Variants in ST7L observed in about 807,000 individuals in gnomAD.
ST7L encodes suppression of tumorigenicity 7 like.
Under a neutral mutation model 72.5 loss-of-function variants are expected in ST7L, and 57 were observed. That is an observed-to-expected ratio of 0.79 (90% confidence interval 0.64 to 0.98). The LOEUF (loss-of-function observed/expected upper bound fraction) is 0.98, where lower values mean the gene tolerates loss of function less well. ST7L is among the 50% of genes least tolerant of loss of function. The pLI, the probability that ST7L is intolerant of heterozygous loss-of-function variation, is 0.00. For synonymous variants in ST7L, 221 were observed against 240.9 expected, an observed-to-expected ratio of 0.92 and a Z score of 0.77; for missense variants, 576 against 672.2, an observed-to-expected ratio of 0.86 and a Z score of 1.58.
At chr1:112,570,807 A>G (rs1448392103) in intron 11 of ST7L, 2 of 452,764 alleles carry the variant, frequency 4.4e-6, no homozygotes, top group Non-Finnish European at 8.8e-6. Context: ...CAGTTCATAT[A>G]ACATCAATGT....
rs572616614 is a variant in ST7L at position 112,599,873 on chromosome 1, C to G, written c.506+921G>C. On this transcript the variant is annotated intron_variant, in intron 4 of 14. Coordinates refer to ENST00000358039, the MANE Select transcript of ST7L (RefSeq NM_017744.5). ...GCCTAATATATACTTATACGTATCA[C>G]AAACATATAGTTTGATGTAATGTTT... Among the ~76,000 whole-genome samples the G allele has an allele frequency of 3.3e-5, 5 of 152,234 alleles. No individual in the cohort carries two copies. The South Asian group carries it at 1.0e-3, about 32-fold the overall frequency.
intron 6 of ST7L, among the ~76,000 whole-genome samples, chr1:112,584,648 C>A (rs12059990): frequency 6.6e-6 from 1 of 151,926 alleles, no homozygotes; most frequent in Non-Finnish European, 1.5e-5. Context: ...GCACCACGCC[C>A]GGCTAATTTT....
intron 5 of ST7L, among the ~76,000 whole-genome samples, chr1:112,591,863 T>C (rs1035349106): frequency 1.2e-4 from 19 of 152,130 alleles, no homozygotes; most frequent in Non-Finnish European, 1.5e-5. Context: ...AATTATATCA[T>C]TATTATGTAT....
chr1:112,603,749 G>T (rs144272302), intron 3 of ST7L, among the ~76,000 whole-genome samples: 2 of 152,164 alleles, frequency 1.3e-5, no homozygotes, highest in African/African-American at 2.4e-5. Context: ...GGTACCTGCA[G>T]GGTACCAGCA....
In ST7L at chr1:112,584,060, T is replaced by C; in HGVS notation, c.768A>G (p.Leu256=). 6.2e-7 allele frequency: 1 copy of C among 1,614,174 alleles called. No individual in the cohort carries two copies. The highest frequency in any genetic ancestry group is 2.2e-5 in the East Asian group (1 of 44,878). Residue 256 remains leucine (L), a synonymous_variant, in exon 7 of 15, where the codon TTA becomes TTG. Transcript: ENST00000358039. ...CTCCTGCCTTGAGTGCCTGTTTAAA[T>C]AACCTTTCAGCATCTACAATAGTTG... ...EATTIVDAER[L]FKQALKAGET... is the part of the protein sequence containing the mutation.
chr1:112,541,703 AG>A (rs912650699), intron 14 of ST7L: 1 of 976,874 alleles, frequency 1.0e-6, no homozygotes, highest in African/African-American at 1.7e-5. Context: ...GATCTATAAG[AG>A]CAAACTTTAT....
chr1:112,539,501 C>T (rs1318083346), intron 14 of ST7L, among the ~76,000 whole-genome samples: 1 of 151,934 alleles, frequency 6.6e-6, no homozygotes, highest in East Asian at 1.9e-4. Flanking sequence ...ACTAAAAATA[C>T]AAAAGTTAGC....
chr1:112,612,222 C>G (rs1007791251), intron 2 of ST7L, among the ~76,000 whole-genome samples: 1 of 151,960 alleles, frequency 6.6e-6, no homozygotes, highest in Non-Finnish European at 1.5e-5. Context: ...CTCAGCCTCC[C>G]GTGTAGCTAG....
chr1:112,609,715 C>T (rs1237588490), intron 3 of ST7L, among the ~76,000 whole-genome samples: 8 of 150,220 alleles, frequency 5.3e-5, no homozygotes, highest in East Asian at 2.0e-4. Context: ...CCCAGCTACT[C>T]GGGAGGCTGA....
chr1:112,537,094 C>G (rs1655341860), intron 14 of ST7L, among the ~76,000 whole-genome samples: 1 of 152,002 alleles, frequency 6.6e-6, no homozygotes, highest in Non-Finnish European at 1.5e-5. Flanking sequence ...CTTCTAGGTT[C>G]AAGCAGTTCT....
intron 11 of ST7L, among the ~76,000 whole-genome samples, chr1:112,568,861 A>AATATAAATAAATATATATATATAT (rs61349207): frequency 1.2e-4 from 14 of 114,890 alleles, no homozygotes; most frequent in East Asian, 7.9e-4. Context: ...TATAAATATA[A>AATATAAATAAATATATATATATAT]ATATATATAT....
rs376260608 is a variant in ST7L at position 112,610,894 on chromosome 1, G to A, written c.398C>T (p.Pro133Leu). 2 of 1,614,214 alleles carry A rather than the reference G, an allele frequency of 1.2e-6. No individual in the cohort carries two copies. The highest frequency in any genetic ancestry group is 1.7e-6 in the Non-Finnish European group (2 of 1,180,028). Reference sequence around the variant, plus strand: ...TTCTCTGTTCCTCGAAGGAGAACCTGGTTCTGAAATGCTGCTCTCTGTTCC... The same window carrying A: ...TTCTCTGTTCCTCGAAGGAGAACCTAGTTCTGAAATGCTGCTCTCTGTTCC... Reference protein sequence around the residue: ...MGGTESSISEPGSPSRNRENE... With the variant: ...MGGTESSISELGSPSRNRENE... Residue 133 changes from proline (P) to leucine (L), a missense_variant, in exon 3 of 15, where the codon CCA becomes CTA. Coordinates refer to ENST00000358039, the MANE Select transcript of ST7L (RefSeq NM_017744.5).
rs145712674 is a variant in ST7L, at chr1:112,548,727, T to C, written c.1489+1874A>G. On this transcript the variant is annotated intron_variant, in intron 13 of 14. Coordinates refer to ENST00000358039, the MANE Select transcript of ST7L (RefSeq NM_017744.5). ...TCGGCATGGTTGCTTCTCAGCTAAA[T>C]CATAAAAAGAGAAGTTAAACAGAAA... Among the ~76,000 whole-genome samples, 210 of 152,226 alleles carry C rather than the reference T, an allele frequency of 1.4e-3. 6 individuals carry two copies. In the East Asian group the frequency reaches 0.039, roughly 28 times the overall value.
intron 3 of ST7L, among the ~76,000 whole-genome samples, chr1:112,605,088 CAA>C (rs35373735): frequency 2.6e-4 from 16 of 61,290 alleles, no homozygotes; most frequent in Admixed American, 1.6e-3. Context: ...ACTCCGGCTC[CAA>C]AAAAAAAAAA....
intron 13 of ST7L, 66 bp downstream of exon 13, chr1:112,550,535 G>A (rs1199769328): frequency 8.0e-7 from 1 of 1,248,628 alleles, no homozygotes; most frequent in Non-Finnish European, 1.2e-6. Flanking sequence ...TTAAAATGGA[G>A]AATACTATGA....
In ST7L at chr1:112,615,526, G is replaced by A. The variant is rs144879530; in HGVS notation, c.288+1287C>T. On this transcript the variant is annotated intron_variant, in intron 2 of 14. Coordinates refer to ENST00000358039, the MANE Select transcript of ST7L (RefSeq NM_017744.5). ...CCAATGTTGCCAATATTAAAATGCT[G>A]TAGTCAGACATGGTGGCACATGCCT... is the stretch of plus-strand genomic sequence containing the variant. Among the ~76,000 whole-genome samples, 466 of 152,200 alleles carry A rather than the reference G, an allele frequency of 3.1e-3. 4 individuals are homozygous for A. The highest frequency in any genetic ancestry group is 0.011 in the African/African-American group (438 of 41,544).
chr1:112,553,124 C>T (rs909619568), intron 12 of ST7L, among the ~76,000 whole-genome samples: 1 of 151,786 alleles, frequency 6.6e-6, no homozygotes, highest in East Asian at 1.9e-4. Flanking sequence ...ACAATATCTG[C>T]TTTTGAGGAG....
intron 3 of ST7L, among the ~76,000 whole-genome samples, chr1:112,606,434 T>C (rs1668254269): frequency 6.6e-6 from 1 of 152,200 alleles, no homozygotes; most frequent in African/African-American, 2.4e-5. Context: ...CTTTTCCACT[T>C]TATACAAGGA....
chr1:112,536,614 G>C (rs773180444), intron 14 of ST7L, among the ~76,000 whole-genome samples: 2 of 152,102 alleles, frequency 1.3e-5, no homozygotes, highest in East Asian at 1.9e-4. Flanking sequence ...ATTCTGTAGA[G>C]AGGTTCTTTG....
Sources: gnomAD v4.1 joint callset for allele counts (sites outside exome capture counted in the v4.1 genomes callset) on GRCh38, gnomAD v4.1.1 for gene constraint, MANE v1.5 for transcripts, NCBI Gene and HGNC (gene_info 2026-07-23, HGNC 2026-07-21) for gene names.